The following PRKG1 variants were observed in gnomAD, a reference collection of about 807,000 sequenced individuals.
PRKG1 encodes the protein protein kinase cGMP-dependent 1, also known as cGMP-dependent protein kinase 1.
In PRKG1, 35 loss-of-function variants were observed where a neutral mutation model predicts 88.1. The observed-to-expected ratio is 0.40, with a 90% CI of 0.30 to 0.53. The LOEUF is 0.53. PRKG1 is among the 20% of genes least tolerant of loss of function. The pLI is 0.59. For missense variants in PRKG1, 540 were observed against 839.8 expected (o/e 0.64, Z 4.41); for synonymous variants, 303 against 292.5 (o/e 1.04, Z -0.37).
At chr10:52,112,036 T>C (rs1299778953) in intron 7 of PRKG1, among the ~76,000 whole-genome samples, 1 of 152,202 alleles carries the variant, frequency 6.6e-6, no homozygotes, top group Non-Finnish European at 1.5e-5. Flanking sequence ...GAGCCTTCCA[T>C]ATACCCTGAA....
chr10:52,253,232 A>G (rs866308163), intron 10 of PRKG1: 1 of 143,352 alleles, frequency 7.0e-6, no homozygotes, highest in Non-Finnish European at 1.5e-5. Context: ...TTTTGTTGAC[A>G]AAAAAAAAAT....
At chr10:52,267,041 AATCATCATCATC>A (rs71857599) in intron 10 of PRKG1, among the ~76,000 whole-genome samples, 1 of 150,652 alleles carries the variant, frequency 6.6e-6, no homozygotes, top group East Asian at 2.0e-4. Context: ...CTTGCTAAAA[AATCATCATCATC>A]ATCATCATCA....
Position 50,993,130 on chromosome 10 carries a change from A to C in PRKG1, c.266+1486A>C, listed in dbSNP as rs566318500. Reference sequence around the variant, plus strand: ...CCTCTGGAGTCCCTCTTGTGTATTGATTATATGGGATGGGGAGCCAGGGAG... The same window carrying C: ...CCTCTGGAGTCCCTCTTGTGTATTGCTTATATGGGATGGGGAGCCAGGGAG... On this transcript the variant is annotated intron_variant, in intron 1 of 17. Transcript: ENST00000401604. Among the ~76,000 whole-genome samples the C allele has an allele frequency of 3.9e-5, 6 of 152,068 alleles. No homozygotes were observed. In the South Asian group the frequency reaches 1.3e-3, roughly 32 times the overall value.
chr10:51,315,582 T>C lies in PRKG1; in HGVS notation c.479-152141T>C, dbSNP rs552123818. Among the ~76,000 whole-genome samples the C allele has an allele frequency of 2.6e-3, 399 of 152,290 alleles. 3 individuals are homozygous for C. The highest frequency in any genetic ancestry group is 0.01 in the Middle Eastern group (3 of 294). On this transcript the variant is annotated intron_variant, in intron 2 of 17. Coordinates refer to ENST00000373980, the MANE Select transcript of PRKG1 (RefSeq NM_006258.4). ...TTGAATTTGGCCGAGGCACTGACTA[T>C]CCGGTTTAATCCTTATAAGCAATCC...
chr10:51,288,523 C>T (rs138606890), intron 2 of PRKG1, among the ~76,000 whole-genome samples: 1 of 152,152 alleles, frequency 6.6e-6, no homozygotes, highest in South Asian at 2.1e-4. Flanking sequence ...TATGGACCCA[C>T]AGTCATCAAA....
chr10:51,790,534 C>A (rs1838843193), intron 3 of PRKG1, among the ~76,000 whole-genome samples: 1 of 152,114 alleles, frequency 6.6e-6, no homozygotes, highest in South Asian at 2.1e-4. Flanking sequence ...ATGGTGAAGT[C>A]AAAATGCTTA....
chr10:51,746,424 ATTTGGAAGCC>A (rs1286191829), intron 3 of PRKG1, among the ~76,000 whole-genome samples: 1 of 151,710 alleles, frequency 6.6e-6, no homozygotes, highest in Non-Finnish European at 1.5e-5. Flanking sequence ...ACTCCCTCCT[ATTTGGAAGCC>A]TTTGCATCTG....
At chr10:51,686,661 A>G (rs550700728) in intron 3 of PRKG1, among the ~76,000 whole-genome samples, 11 of 152,342 alleles carry the variant, frequency 7.2e-5, no homozygotes, top group South Asian at 6.2e-4. Context: ...CAAAGCCCCA[A>G]TTAGGACTGG....
intron 5 of PRKG1, among the ~76,000 whole-genome samples, chr10:51,934,726 TGAG>T (rs1273638793): frequency 2.6e-5 from 4 of 152,126 alleles, no homozygotes; most frequent in Non-Finnish European, 4.4e-5. Flanking sequence ...CAATTGTGGA[TGAG>T]GAGAAGGACA....
At chr10:51,054,890 T>A (rs1035440132) in intron 1 of PRKG1, among the ~76,000 whole-genome samples, 1 of 152,190 alleles carries the variant, frequency 6.6e-6, no homozygotes, top group African/African-American at 2.4e-5. Flanking sequence ...TTGTGAGGCT[T>A]CTAATGGTCT....
At chr10:51,751,283 G>T (rs1837718636) in intron 3 of PRKG1, among the ~76,000 whole-genome samples, 1 of 152,170 alleles carries the variant, frequency 6.6e-6, no homozygotes. Context: ...TGTTGCCCAG[G>T]CTGGAGTGCA....
At chr10:51,146,547 C>T (rs1295144454) in intron 1 of PRKG1, among the ~76,000 whole-genome samples, 2 of 152,014 alleles carry the variant, frequency 1.3e-5, no homozygotes, top group African/African-American at 2.4e-5. Context: ...CTGATCATTT[C>T]CTTTGCTATG....
chr10:51,365,218 A>C (rs572265164), intron 2 of PRKG1, among the ~76,000 whole-genome samples: 59 of 151,972 alleles, frequency 3.9e-4, no homozygotes, highest in African/African-American at 1.3e-3. Context: ...CACTATCATC[A>C]TCATCTTCTT....
intron 5 of PRKG1, among the ~76,000 whole-genome samples, chr10:52,042,254 C>A (rs1346376070): frequency 6.6e-6 from 1 of 152,000 alleles, no homozygotes; most frequent in African/African-American, 2.4e-5. Flanking sequence ...CCATGGAAGA[C>A]CCTGAATAGC....
At chr10:51,246,577 T>C (rs1252217472) in intron 2 of PRKG1, among the ~76,000 whole-genome samples, 1 of 150,756 alleles carries the variant, frequency 6.6e-6, no homozygotes, top group Non-Finnish European at 1.5e-5. Flanking sequence ...GCAGAATGTT[T>C]CTAACCCCTG....
intron 5 of PRKG1, among the ~76,000 whole-genome samples, chr10:51,973,780 A>T (rs1304347973): frequency 1.3e-5 from 2 of 152,126 alleles, no homozygotes; most frequent in Admixed American, 6.6e-5. Context: ...CTCCCTAAAC[A>T]TAAACGGGCA....
intron 4 of PRKG1, among the ~76,000 whole-genome samples, chr10:51,816,311 A>C (rs1355730687): frequency 6.6e-6 from 1 of 152,138 alleles, no homozygotes. Flanking sequence ...GGTCCAATCC[A>C]AAAATCCTCA....
chr10:51,728,817 G>A (rs1842203327), intron 3 of PRKG1, among the ~76,000 whole-genome samples: 1 of 152,152 alleles, frequency 6.6e-6, no homozygotes, highest in African/African-American at 2.4e-5. Flanking sequence ...GGGCTAACAA[G>A]TTGCCAGTGT....
intron 2 of PRKG1, among the ~76,000 whole-genome samples, chr10:51,173,214 T>A (rs1223620061): frequency 6.6e-6 from 1 of 152,054 alleles, no homozygotes; most frequent in Non-Finnish European, 1.5e-5. Context: ...CTGGCTTATT[T>A]TGAATATTAT....
Sources: gnomAD v4.1 joint callset for allele counts (sites outside exome capture counted in the v4.1 genomes callset) on GRCh38, gnomAD v4.1.1 for gene constraint, MANE v1.5 for transcripts, NCBI Gene and HGNC (gene_info 2026-07-23, HGNC 2026-07-21) for gene names.